DMD: variants seen among roughly 807,000 people sequenced by gnomAD.
DMD encodes the protein dystrophin.
In DMD, 63 loss-of-function variants were observed where a neutral mutation model predicts 330.1. The observed-to-expected ratio is 0.19, with a 90% CI of 0.16 to 0.24. The LOEUF is 0.24. DMD is among the 10% of genes least tolerant of loss of function. The pLI is 1.00. For synonymous variants in DMD, 1,223 were observed against 959.8 expected (o/e 1.27, Z -5.07); for missense variants, 3,344 against 2,684.1 (o/e 1.25, Z -5.43).
At chrX:32,787,245 T>TGA (rs1199431495) in intron 7 of DMD, among the ~76,000 whole-genome samples, 311 of 81,319 alleles carry the variant, frequency 3.8e-3, no homozygotes, top group Non-Finnish European at 7.0e-3. Flanking sequence ...TGTGTGTGTG[T>TGA]GTGAGAGAGA....
In DMD at chrX:32,742,682, A is replaced by G. The variant is rs2069448477; in HGVS notation, c.650-43389T>C. On this transcript the variant is annotated intron_variant, in intron 7 of 78. Coordinates refer to ENST00000357033, the MANE Select transcript of DMD (RefSeq NM_004006.3). ...ATGAGAAAATGGGAAGTAAATTATG[A>G]AGATACAAGGCAACACAGACATTGG... 1.8e-5 allele frequency among the ~76,000 whole-genome samples: 2 copies of G among 111,933 alleles called. 1 individual carries two copies. Among genetic ancestry groups the G allele is most frequent in the South Asian group, 7.4e-4 (2 of 2,693 alleles).
At chrX:33,227,755 T>C (rs1485888752) in intron 1 of DMD, among the ~76,000 whole-genome samples, 1 of 110,242 alleles carries the variant, frequency 9.1e-6, no homozygotes, top group Non-Finnish European at 1.9e-5. Context: ...TGGCATCCTG[T>C]TTTGAATACC....
intron 74 of DMD, among the ~76,000 whole-genome samples, chrX:31,151,305 A>G (rs1270956695): frequency 3.6e-5 from 4 of 112,619 alleles, no homozygotes; most frequent in South Asian, 3.7e-4. Flanking sequence ...AAAATGTTCT[A>G]ACTGGCAACA....
chrX:31,179,870 C>T (rs1337676476), intron 69 of DMD, among the ~76,000 whole-genome samples: 1 of 112,087 alleles, frequency 8.9e-6, no homozygotes, highest in African/African-American at 3.2e-5. Context: ...TTATTTTACA[C>T]AGGGTAGTTT....
intron 9 of DMD, among the ~76,000 whole-genome samples, chrX:32,693,521 C>A (rs2063434789): frequency 9.0e-6 from 1 of 111,724 alleles, no homozygotes; most frequent in Non-Finnish European, 1.9e-5. Flanking sequence ...CTCACTGCAA[C>A]CTCCACCTCC....
intron 60 of DMD, among the ~76,000 whole-genome samples, chrX:31,371,951 A>G (rs1743417673): frequency 8.9e-6 from 1 of 112,106 alleles, no homozygotes; most frequent in Admixed American, 9.5e-5. Flanking sequence ...TTTGTATCTA[A>G]AAATGATACT....
chrX:32,607,719 T>C (rs2056846605), intron 12 of DMD, among the ~76,000 whole-genome samples: 1 of 110,778 alleles, frequency 9.0e-6, no homozygotes, highest in Admixed American at 9.6e-5. Context: ...TGCCTTAAAA[T>C]TCATGTTATC....
At chrX:31,252,267 G>C (rs772443287) in intron 63 of DMD, among the ~76,000 whole-genome samples, 1 of 112,229 alleles carries the variant, frequency 8.9e-6, no homozygotes, top group African/African-American at 3.2e-5. Flanking sequence ...TAAATCTCCT[G>C]TGCTAATTTT....
At chrX:31,862,112 T>C (rs969668431) in intron 48 of DMD, among the ~76,000 whole-genome samples, 1 of 110,321 alleles carries the variant, frequency 9.1e-6, no homozygotes, top group Non-Finnish European at 1.9e-5. Context: ...GAAGAAAGTA[T>C]CTATTCAATA....
At chrX:31,167,762 C>A (rs1441103391) in intron 74 of DMD, among the ~76,000 whole-genome samples, 1 of 111,976 alleles carries the variant, frequency 8.9e-6, no homozygotes. Context: ...GGATGGTACT[C>A]ATGTGATGTT....
In DMD at chrX:32,411,779, G is replaced by A. The variant is rs766668051; in HGVS notation, c.4206C>T (p.Asp1402=). 113 of 1,209,216 alleles carry A rather than the reference G, an allele frequency of 9.3e-5. No individual in the cohort carries two copies. The highest frequency in any genetic ancestry group is 1.2e-4 in the Non-Finnish European group (109 of 894,965). Residue 1402 remains aspartate (D), a synonymous_variant, in exon 30 of 79, where the codon GAC becomes GAT. Coordinates refer to ENST00000357033, the MANE Select transcript of DMD (RefSeq NM_004006.3). Reference sequence around the variant, plus strand: ...GGGCTTCCTGAGGCATTTGAGCTGCGTCCACCTTGTCTGCAATATAAGCTG... The same window carrying A: ...GGGCTTCCTGAGGCATTTGAGCTGCATCCACCTTGTCTGCAATATAAGCTG... ...QLAAYIADKV[D]AAQMPQEAQK...
chrX:31,826,339 C>A (rs763518331), intron 49 of DMD, among the ~76,000 whole-genome samples: 1 of 112,260 alleles, frequency 8.9e-6, no homozygotes, highest in Non-Finnish European at 1.9e-5. Context: ...GTATAATTTC[C>A]AATCTTTTAT....
intron 1 of DMD, among the ~76,000 whole-genome samples, chrX:33,179,748 G>T (rs1186416871): frequency 9.2e-6 from 1 of 108,951 alleles, no homozygotes; most frequent in African/African-American, 3.3e-5. Context: ...ATAATGCAGA[G>T]ATTCTAAAAT....
At chrX:32,861,113 T>G (rs2082043729) in intron 2 of DMD, among the ~76,000 whole-genome samples, 1 of 112,108 alleles carries the variant, frequency 8.9e-6, no homozygotes, top group Admixed American at 9.4e-5. Flanking sequence ...TCTTTTCATC[T>G]ATAGAAAGAG....
chrX:32,562,125 T>C (rs897186559), intron 16 of DMD, among the ~76,000 whole-genome samples: 6 of 112,008 alleles, frequency 5.4e-5, no homozygotes, highest in African/African-American at 1.9e-4. Context: ...TCATGATCAT[T>C]TGAGTTTTTA....
chrX:31,167,575 G>A (rs1238983997), intron 74 of DMD, among the ~76,000 whole-genome samples: 2 of 111,299 alleles, frequency 1.8e-5, no homozygotes, highest in Admixed American at 9.5e-5. Context: ...TTTTTATTCC[G>A]ATTTGACTTT....
intron 1 of DMD, among the ~76,000 whole-genome samples, chrX:33,280,265 C>T (rs755064560): frequency 1.8e-5 from 2 of 111,743 alleles, no homozygotes; most frequent in East Asian, 2.9e-4. Flanking sequence ...TTAACAGGCA[C>T]GAGCCACCAC....
chrX:32,812,506 G>C (rs1049230314), intron 6 of DMD, among the ~76,000 whole-genome samples: 2 of 111,411 alleles, frequency 1.8e-5, no homozygotes, highest in Admixed American at 1.9e-4. Flanking sequence ...GGTGGCTCGT[G>C]CCTATAGTCC....
At chrX:32,696,977 A>C (rs1378618388) in intron 9 of DMD, among the ~76,000 whole-genome samples, 1 of 111,659 alleles carries the variant, frequency 9.0e-6, no homozygotes, top group Non-Finnish European at 1.9e-5. Context: ...ATCTTAACAA[A>C]AAATTGAGTC....
Sources: gnomAD v4.1 joint callset for allele counts (sites outside exome capture counted in the v4.1 genomes callset) on GRCh38, gnomAD v4.1.1 for gene constraint, MANE v1.5 for transcripts, NCBI Gene and HGNC (gene_info 2026-07-23, HGNC 2026-07-21) for gene names.